The following CUBN variants were observed in gnomAD, a reference collection of about 807,000 sequenced individuals.
The protein encoded by CUBN is cubilin.
CUBN carries 282 observed loss-of-function variants against 405.3 expected under a neutral mutation model. That is an observed-to-expected ratio of 0.70 (90% confidence interval 0.63 to 0.77). The LOEUF is 0.77. Among genes scored for constraint, CUBN ranks in the 30% least tolerant of loss-of-function variants. The probability of loss-of-function intolerance (pLI) is 0.00; values close to 1 mark genes in which losing one functional copy is unlikely to be tolerated. For missense variants in CUBN, 4,514 were observed against 4,475.2 expected, an observed-to-expected ratio of 1.01 and a Z score of -0.25; for synonymous variants, 1,684 against 1,617.0, an observed-to-expected ratio of 1.04 and a Z score of -0.99.
rs746029469 is a variant in CUBN at position 17,071,577 on chromosome 10, C to G, written c.2474G>C (p.Gly825Ala). ...VACGDELTGE[G>A]VIRSPFFPNV... ...AGGAAAAAAAGGCGAGCGAATGACCCCTTCTCCAGTTAATTCATCCCCGCA... is the reference window on the plus strand; with the variant it reads ...AGGAAAAAAAGGCGAGCGAATGACCGCTTCTCCAGTTAATTCATCCCCGCA... Residue 825 changes from glycine to alanine, a missense_variant, in exon 19 of 67, where the codon GGG becomes GCG. Physicochemically the swap from Gly to Ala is moderately conservative, Grantham distance 60. This residue lies in a region of CUBN where 1,448 missense variants were observed against 1,388.0 expected (regional missense o/e 1.04). Transcript: ENST00000377833. 5 of 1,613,612 alleles carry G rather than the reference C, an allele frequency of 3.1e-6. No homozygotes were observed. Among genetic ancestry groups the G allele is most frequent in the African/African-American group, 1.3e-5 (1 of 74,878 alleles).
chr10:16,915,027 C>G lies in CUBN; in HGVS notation c.7351+5G>C. 6.2e-7 allele frequency: 1 copy of G among 1,613,382 alleles called. No homozygotes were observed. The highest frequency in any genetic ancestry group is 8.5e-7 in the Non-Finnish European group (1 of 1,179,662). Reference sequence around the variant, plus strand: ...ATGTTGTGTTGAATGAATCAATGAACTCACCTTCCATACTGGATTCAAATC... The same window carrying G: ...ATGTTGTGTTGAATGAATCAATGAAGTCACCTTCCATACTGGATTCAAATC... On this transcript the variant is annotated splice_donor_5th_base_variant and intron_variant, in intron 47 of 66. Transcript: ENST00000377833.
intron 50 of CUBN, among the ~76,000 whole-genome samples, chr10:16,904,585 C>T (rs1279249441): frequency 1.3e-5 from 2 of 152,226 alleles, no homozygotes; most frequent in Non-Finnish European, 2.9e-5. Flanking sequence ...AGGCCAAGAG[C>T]TGTCAGATCT....
intron 19 of CUBN, among the ~76,000 whole-genome samples, chr10:17,069,930 G>A (rs1835701266): frequency 6.6e-6 from 1 of 152,024 alleles, no homozygotes; most frequent in Non-Finnish European, 1.5e-5. Flanking sequence ...TACTTTTTGT[G>A]TCATATTTAA....
intron 9 of CUBN, 28 bp downstream of exon 9, chr10:17,110,891 G>T (rs1383805285): frequency 6.2e-7 from 1 of 1,614,184 alleles, no homozygotes; most frequent in Admixed American, 1.7e-5. Flanking sequence ...GCTGGGGTCA[G>T]GAGGTTGACA....
intron 31 of CUBN, among the ~76,000 whole-genome samples, chr10:16,956,783 A>G (rs1843076541): frequency 6.6e-6 from 1 of 152,134 alleles, no homozygotes; most frequent in African/African-American, 2.4e-5. Context: ...CTCTCAAGAT[A>G]ATTTATTCAT....
At chr10:16,860,860 C>G (rs1217216886) in intron 59 of CUBN, among the ~76,000 whole-genome samples, 3 of 152,124 alleles carry the variant, frequency 2.0e-5, no homozygotes, top group Non-Finnish European at 4.4e-5. Context: ...CTAACTTTTT[C>G]CCTGGAATGC....
At chr10:16,971,646 T>C (rs900934986) in intron 31 of CUBN, among the ~76,000 whole-genome samples, 2 of 152,104 alleles carry the variant, frequency 1.3e-5, no homozygotes, top group Admixed American at 6.6e-5. Context: ...AAGCCATGGG[T>C]TTCAATTTCT....
chr10:16,882,863 T>G (rs780834), intron 56 of CUBN, among the ~76,000 whole-genome samples: 1 of 151,666 alleles, frequency 6.6e-6, no homozygotes, highest in East Asian at 1.9e-4. Context: ...AAAATACAAT[T>G]ATTAGCTGGG....
chr10:17,043,559 C>T (rs1835058764), intron 26 of CUBN, among the ~76,000 whole-genome samples: 1 of 152,134 alleles, frequency 6.6e-6, no homozygotes, highest in African/African-American at 2.4e-5. Flanking sequence ...TATAGTTTGC[C>T]AGATGTTTTA....
At chr10:16,933,381 A>T (rs1330387918) in intron 39 of CUBN, 97 bp from the exon 40 acceptor site, 13 of 1,068,496 alleles carry the variant, frequency 1.2e-5, no homozygotes, top group Non-Finnish European at 1.8e-5. Flanking sequence ...TACTGAAAAG[A>T]AGCAACCAAT....
chr10:17,073,335 T>C (rs571646779), intron 17 of CUBN, among the ~76,000 whole-genome samples: 2 of 152,176 alleles, frequency 1.3e-5, no homozygotes, highest in East Asian at 3.9e-4. Flanking sequence ...AGATAAGCCA[T>C]ATGATAACTC....
chr10:16,933,944 C>T (rs1332070216), intron 39 of CUBN, among the ~76,000 whole-genome samples: 1 of 152,162 alleles, frequency 6.6e-6, no homozygotes, highest in Non-Finnish European at 1.5e-5. Context: ...GGGCTGTTTA[C>T]AAAAGAGTGA....
At chr10:16,831,943 G>A (rs1416005449) in intron 64 of CUBN, among the ~76,000 whole-genome samples, 1 of 152,168 alleles carries the variant, frequency 6.6e-6, no homozygotes, top group African/African-American at 2.4e-5. Flanking sequence ...AGTTCAGAAC[G>A]AAAGGAATTT....
intron 14 of CUBN, among the ~76,000 whole-genome samples, chr10:17,091,653 G>T (rs190058572): frequency 1.2e-4 from 19 of 152,168 alleles, no homozygotes; most frequent in African/African-American, 3.4e-4. Context: ...GCTTTTAATG[G>T]GAAGTTCAAC....
intron 31 of CUBN, among the ~76,000 whole-genome samples, chr10:16,969,906 A>G (rs1843504300): frequency 6.6e-6 from 1 of 152,190 alleles, no homozygotes; most frequent in African/African-American, 2.4e-5. Context: ...GGATGAAACC[A>G]CCACTGACGT....
At chr10:17,128,201 G>A (rs1358446397) in intron 2 of CUBN, among the ~76,000 whole-genome samples, 3 of 152,126 alleles carry the variant, frequency 2.0e-5, no homozygotes, top group Non-Finnish European at 4.4e-5. Context: ...TAAGAAACCT[G>A]GCTTGGAAGC....
At chr10:16,981,208 A>T (rs1385724483) in intron 31 of CUBN, among the ~76,000 whole-genome samples, 1 of 42,618 alleles carries the variant, frequency 2.3e-5, no homozygotes, top group African/African-American at 4.8e-5. Flanking sequence ...CACACAGAAG[A>T]GAGAAGTGTC....
intron 41 of CUBN, among the ~76,000 whole-genome samples, chr10:16,926,594 A>G (rs1842194854): frequency 6.6e-6 from 1 of 152,090 alleles, no homozygotes; most frequent in African/African-American, 2.4e-5. Flanking sequence ...CGTGGTTGGA[A>G]TCTAGATACA....
chr10:17,044,027 C>A (rs773131694), intron 25 of CUBN, 44 bp from the exon 26 acceptor site: 3 of 1,535,262 alleles, frequency 2.0e-6, no homozygotes, highest in Non-Finnish European at 2.7e-6. Flanking sequence ...AGACTATAAA[C>A]ATTATGTAAA....
Sources: gnomAD v4.1 joint callset for allele counts (sites outside exome capture counted in the v4.1 genomes callset) on GRCh38, gnomAD v4.1.1 for gene constraint, gnomAD v4.1.1 regional missense constraint, MANE v1.5 for transcripts, NCBI Gene and HGNC (gene_info 2026-07-23, HGNC 2026-07-21) for gene names.